The following PTK2 variants were observed in gnomAD, a reference collection of about 807,000 sequenced individuals.
PTK2 encodes the protein focal adhesion kinase 1.
PTK2 carries 45 observed loss-of-function variants against 150.1 expected under a neutral mutation model. That is an observed-to-expected ratio of 0.30 (90% CI 0.24 to 0.38). The LOEUF (loss-of-function observed/expected upper bound fraction) is 0.38, where lower values mean the gene tolerates loss of function less well. PTK2 is among the 10% of genes least tolerant of loss of function. PTK2 has a pLI of 1.00. For missense variants in PTK2, 919 were observed against 1,307.3 expected (o/e 0.70, Z 4.58); for synonymous variants, 432 against 449.2 (o/e 0.96, Z 0.48).
At chr8:140,717,605 G>A in exon 23 of PTK2, 1 of 1,612,316 alleles carries the variant, frequency 6.2e-7, no homozygotes, top group Non-Finnish European at 8.5e-7. Flanking sequence ...TACCTTGGGC[G>A]GTGCTTCATC....
At chr8:140,960,883 G>T (rs2100182943) in intron 1 of PTK2, among the ~76,000 whole-genome samples, 1 of 152,182 alleles carries the variant, frequency 6.6e-6, no homozygotes, top group South Asian at 2.1e-4. Flanking sequence ...GGGAGGCTGA[G>T]GCAGGAGAAT....
intron 26 of PTK2, among the ~76,000 whole-genome samples, chr8:140,698,632 T>C (rs1042383546): frequency 6.6e-6 from 1 of 151,974 alleles, no homozygotes; most frequent in Non-Finnish European, 1.5e-5. Flanking sequence ...TTTTGTTTTT[T>C]TGAGACGGAG....
intron 20 of PTK2, among the ~76,000 whole-genome samples, chr8:140,741,227 G>A (rs897569495): frequency 3.9e-5 from 6 of 151,942 alleles, no homozygotes; most frequent in African/African-American, 7.3e-5. Flanking sequence ...TGAGGTGGGC[G>A]GATCATGAGG....
chr8:140,869,405 T>C (rs2100141222), intron 4 of PTK2, among the ~76,000 whole-genome samples: 1 of 152,200 alleles, frequency 6.6e-6, no homozygotes, highest in African/African-American at 2.4e-5. Flanking sequence ...GTTGGCCAGC[T>C]TCTCAACTTC....
At chr8:141,001,095 C>G (rs985309223) in intron 1 of PTK2, 30 bp downstream of exon 1, 4 of 151,464 alleles carry the variant, frequency 2.6e-5, no homozygotes, top group Non-Finnish European at 5.9e-5. Flanking sequence ...GCCCCCGACC[C>G]GCGCCCCGCG....
At chr8:140,722,081 G>A (rs190727026) in intron 22 of PTK2, among the ~76,000 whole-genome samples, 52 of 152,300 alleles carry the variant, frequency 3.4e-4, no homozygotes, top group Middle Eastern at 3.4e-3. Flanking sequence ...TATCAGTGGA[G>A]CAGGTCTACT....
At chr8:140,876,685 T>C (rs1320223465) in intron 4 of PTK2, among the ~76,000 whole-genome samples, 3 of 152,210 alleles carry the variant, frequency 2.0e-5, no homozygotes, top group Non-Finnish European at 4.4e-5. Flanking sequence ...TTGACATCAT[T>C]CTTCATGTTA....
chr8:140,963,373 G>C (rs992431547), intron 1 of PTK2, among the ~76,000 whole-genome samples: 1 of 152,134 alleles, frequency 6.6e-6, no homozygotes, highest in Non-Finnish European at 1.5e-5. Context: ...GCCAAGCTAA[G>C]AATCAAATTC....
chr8:140,887,244 C>T (rs1470685124), intron 3 of PTK2, among the ~76,000 whole-genome samples: 5 of 152,196 alleles, frequency 3.3e-5, no homozygotes, highest in Non-Finnish European at 7.3e-5. Context: ...CAGATCCCCA[C>T]CACTTCCTCA....
intron 14 of PTK2, among the ~76,000 whole-genome samples, chr8:140,787,919 CTT>C (rs1471989493): frequency 6.6e-6 from 1 of 152,198 alleles, no homozygotes; most frequent in Admixed American, 6.5e-5. Flanking sequence ...GCAGAACATC[CTT>C]TGATGCCCAG....
intron 7 of PTK2, 90 bp downstream of exon 7, chr8:140,846,170 C>G (rs1005597220): frequency 1.4e-5 from 14 of 996,896 alleles, no homozygotes; most frequent in Non-Finnish European, 2.1e-5. Flanking sequence ...TTAGAAATAG[C>G]AGTGTTTCAG....
At chr8:140,970,641 T>C (rs1236510584) in intron 1 of PTK2, among the ~76,000 whole-genome samples, 1 of 152,226 alleles carries the variant, frequency 6.6e-6, no homozygotes, top group Non-Finnish European at 1.5e-5. Context: ...ATCATCACCA[T>C]TCACTCAAAT....
At chr8:140,982,765 C>T (rs928863033) in intron 1 of PTK2, among the ~76,000 whole-genome samples, 1 of 152,120 alleles carries the variant, frequency 6.6e-6, no homozygotes, top group Non-Finnish European at 1.5e-5. Flanking sequence ...TGTTAGCGTA[C>T]GTTTTCAGAA....
intron 7 of PTK2, among the ~76,000 whole-genome samples, chr8:140,836,105 T>C (rs974200392): frequency 3.9e-5 from 6 of 152,146 alleles, no homozygotes; most frequent in African/African-American, 1.2e-4. Context: ...CTTTTTAAAA[T>C]GTATGCTTAC....
intron 7 of PTK2, among the ~76,000 whole-genome samples, chr8:140,840,554 A>G (rs1403891914): frequency 6.6e-6 from 1 of 152,204 alleles, no homozygotes; most frequent in East Asian, 1.9e-4. Flanking sequence ...AGAGGGTTAG[A>G]TAAGTTTAAA....
chr8:140,873,658 G>A (rs1031325662), intron 4 of PTK2, among the ~76,000 whole-genome samples: 2 of 152,034 alleles, frequency 1.3e-5, no homozygotes, highest in African/African-American at 2.4e-5. Context: ...AGAGGCGGGG[G>A]TTTCACCACG....
chr8:140,839,536 G>A (rs1205022817), intron 7 of PTK2, among the ~76,000 whole-genome samples: 1 of 152,026 alleles, frequency 6.6e-6, no homozygotes, highest in Non-Finnish European at 1.5e-5. Context: ...CAAGCATGAA[G>A]AAGATTACAT....
Position 140,817,637 on chromosome 8 carries a change from C to T in PTK2, c.867+640G>A, listed in dbSNP as rs114465280. On this transcript the variant is annotated intron_variant, in intron 10 of 31. Coordinates refer to ENST00000522684, the Ensembl canonical transcript of PTK2. ...TTCCATATTTATTTTGTGCACTCAA[C>T]TATAAGCTACATAAAGACAAAGGAC... 4.5e-3 allele frequency among the ~76,000 whole-genome samples: 685 copies of T among 152,250 alleles called. 4 individuals carry two copies. The highest frequency in any genetic ancestry group is 0.016 in the African/African-American group (648 of 41,550).
At chr8:140,881,012 CAA>C (rs1394705015) in intron 3 of PTK2, among the ~76,000 whole-genome samples, 3 of 152,074 alleles carry the variant, frequency 2.0e-5, no homozygotes, top group Admixed American at 6.6e-5. Flanking sequence ...AACATGGTAT[CAA>C]GAGAGAAAGC....
Sources: allele counts gnomAD v4.1 joint callset (sites outside exome capture counted in the v4.1 genomes callset), GRCh38; gene constraint gnomAD v4.1.1; transcripts MANE v1.5; gene names NCBI Gene and HGNC (gene_info 2026-07-23, HGNC 2026-07-21).